GLRA2: variants seen among roughly 807,000 people sequenced by gnomAD.
The protein encoded by GLRA2 is glycine receptor subunit alpha-2.
Under a neutral mutation model 31.6 loss-of-function variants are expected in GLRA2, and 11 were observed. The observed-to-expected ratio is 0.35, with a 90% CI of 0.22 to 0.58. The LOEUF is 0.58. Among genes scored for constraint, GLRA2 ranks in the 20% least tolerant of loss-of-function variants. The pLI is 0.84. For synonymous variants in GLRA2, 132 were observed against 134.0 expected (o/e 0.99, Z 0.10); for missense variants, 212 against 351.8 (o/e 0.60, Z 3.18).
At chrX:14,517,342 C>T in the GLRA2 span, among the ~76,000 whole-genome samples, 1 of 112,016 alleles carries the variant, frequency 8.9e-6, no homozygotes, top group African/African-American at 3.2e-5. Flanking sequence ...AGTCCATTCT[C>T]ATGCTGCTAT....
At chrX:14,461,942 G>A in the GLRA2 span, among the ~76,000 whole-genome samples, 11 of 112,176 alleles carry the variant, frequency 9.8e-5, no homozygotes, top group African/African-American at 3.2e-4. Flanking sequence ...TCTTCATAGC[G>A]TTGATGGTCT....
the GLRA2 span, among the ~76,000 whole-genome samples, chrX:14,483,719 T>G: frequency 8.9e-6 from 1 of 112,030 alleles, no homozygotes; most frequent in Non-Finnish European, 1.9e-5. Context: ...AGTGTGATGG[T>G]TAATACTGAG....
intron 7 of GLRA2, among the ~76,000 whole-genome samples, chrX:14,642,922 A>C (rs917923254): frequency 9.0e-6 from 1 of 111,345 alleles, no homozygotes; most frequent in Non-Finnish European, 1.9e-5. Context: ...AGTTGACCCT[A>C]AAATAGGAAG....
chrX:14,704,277 A>G (rs2091588604), intron 8 of GLRA2, among the ~76,000 whole-genome samples: 3 of 112,513 alleles, frequency 2.7e-5, no homozygotes, highest in African/African-American at 9.7e-5. Flanking sequence ...CTTCAGCTCT[A>G]CTAGTGTTTC....
At chrX:14,672,061 T>C (rs1291607531) in intron 7 of GLRA2, among the ~76,000 whole-genome samples, 1 of 112,040 alleles carries the variant, frequency 8.9e-6, no homozygotes, top group Non-Finnish European at 1.9e-5. Flanking sequence ...CCCTTGAAAA[T>C]TATCAGCCCG....
chrX:14,630,978 C>T (rs992487535), intron 7 of GLRA2, among the ~76,000 whole-genome samples: 1 of 110,097 alleles, frequency 9.1e-6, no homozygotes, highest in African/African-American at 3.3e-5. Context: ...TTCCATCAAG[C>T]CCCTTTATAA....
At chrX:14,663,066 G>T (rs1053978010) in intron 7 of GLRA2, among the ~76,000 whole-genome samples, 8 of 110,571 alleles carry the variant, frequency 7.2e-5, no homozygotes, top group Non-Finnish European at 1.5e-4. Flanking sequence ...TCATTCACAA[G>T]TAGCTACCAT....
At chrX:14,685,831 C>T (rs1313436960) in intron 7 of GLRA2, among the ~76,000 whole-genome samples, 2 of 111,552 alleles carry the variant, frequency 1.8e-5, no homozygotes, top group Non-Finnish European at 3.8e-5. Flanking sequence ...GCTCTGATCT[C>T]AGTTATTTCT....
At chrX:14,662,964 T>G (rs754547882) in intron 7 of GLRA2, among the ~76,000 whole-genome samples, 22 of 112,026 alleles carry the variant, frequency 2.0e-4, no homozygotes, top group African/African-American at 7.1e-4. Flanking sequence ...TAATTTTGTA[T>G]TTTACTACTT....
intron 7 of GLRA2, among the ~76,000 whole-genome samples, chrX:14,635,580 C>T (rs761474396): frequency 1.8e-5 from 2 of 111,660 alleles, no homozygotes; most frequent in African/African-American, 6.5e-5. Flanking sequence ...TAGTAAATGT[C>T]ACCAAATAAG....
At chrX:14,648,143 A>G (rs2090851211) in intron 7 of GLRA2, among the ~76,000 whole-genome samples, 1 of 112,466 alleles carries the variant, frequency 8.9e-6, no homozygotes, top group Admixed American at 9.4e-5. Flanking sequence ...TCCTTTGTTT[A>G]TGTAACAAGT....
chrX:14,598,291 A>AATTTGT (rs1340445061), intron 4 of GLRA2, among the ~76,000 whole-genome samples: 1 of 112,192 alleles, frequency 8.9e-6, no homozygotes, highest in African/African-American at 3.2e-5. Flanking sequence ...CACTCATTAA[A>AATTTGT]ATTTGTATTT....
intron 4 of GLRA2, among the ~76,000 whole-genome samples, chrX:14,586,434 C>A (rs1029590415): frequency 1.4e-4 from 16 of 112,149 alleles, no homozygotes; most frequent in Admixed American, 7.6e-4. Context: ...TGACCTGCCC[C>A]ATTAATTATT....
At chrX:14,651,330 T>G (rs755966250) in intron 7 of GLRA2, among the ~76,000 whole-genome samples, 1 of 111,543 alleles carries the variant, frequency 9.0e-6, no homozygotes, top group African/African-American at 3.2e-5. Flanking sequence ...CAGTGTAGTT[T>G]TTTTAGATGT....
the GLRA2 span, among the ~76,000 whole-genome samples, chrX:14,509,182 C>A: frequency 2.7e-5 from 3 of 111,897 alleles, no homozygotes; most frequent in Admixed American, 2.8e-4. Context: ...CTAAGCTAGC[C>A]CTTAGGGATA....
At chrX:14,536,710 C>T in intron 2 of GLRA2, among the ~76,000 whole-genome samples, 1 of 111,117 alleles carries the variant, frequency 9.0e-6, no homozygotes, top group South Asian at 3.7e-4. Context: ...AATTCTAGGT[C>T]TCCCTTAATT....
chrX:14,653,003 A>G (rs926688350), intron 7 of GLRA2, among the ~76,000 whole-genome samples: 2 of 111,308 alleles, frequency 1.8e-5, no homozygotes, highest in Admixed American at 1.9e-4. Flanking sequence ...TACTCCAGGG[A>G]ACACCTAAAT....
chrX:14,553,724 AG>A (rs1307494754), intron 2 of GLRA2, among the ~76,000 whole-genome samples: 1 of 111,589 alleles, frequency 9.0e-6, no homozygotes, highest in African/African-American at 3.3e-5. Context: ...AAGGTGAATT[AG>A]TGTCTCCTGA....
intron 7 of GLRA2, among the ~76,000 whole-genome samples, chrX:14,684,225 A>G (rs1043286831): frequency 9.0e-6 from 1 of 110,546 alleles, no homozygotes; most frequent in African/African-American, 3.3e-5. Context: ...GTAGCCTTGT[A>G]GTATAGTTTG....
Sources: gnomAD v4.1 joint callset for allele counts (sites outside exome capture counted in the v4.1 genomes callset) on GRCh38, gnomAD v4.1.1 for gene constraint, MANE v1.5 for transcripts, NCBI Gene and HGNC (gene_info 2026-07-23, HGNC 2026-07-21) for gene names.